The following DPP10 variants were observed in gnomAD, a reference collection of about 807,000 sequenced individuals.
The protein encoded by DPP10 is dipeptidyl peptidase like 10.
DPP10 carries 33 observed loss-of-function variants against 120.9 expected under a neutral mutation model. That is an observed-to-expected ratio of 0.27 (90% CI 0.21 to 0.37). The LOEUF (loss-of-function observed/expected upper bound fraction) is 0.37. Among genes scored for constraint, DPP10 ranks in the 10% least tolerant of loss-of-function variants. The probability of loss-of-function intolerance (pLI) is 1.00; values close to 1 mark genes in which losing one functional copy is unlikely to be tolerated. For synonymous variants in DPP10, 337 were observed against 326.1 expected, an observed-to-expected ratio of 1.03 and a Z score of -0.36; for missense variants, 816 against 942.8, an observed-to-expected ratio of 0.87 and a Z score of 1.76.
intron 1 of DPP10, among the ~76,000 whole-genome samples, chr2:114,550,831 A>G (rs1687826077): frequency 6.6e-6 from 1 of 152,188 alleles, no homozygotes; most frequent in South Asian, 2.1e-4. Context: ...CTCACTTGCA[A>G]CTGAATCATG....
chr2:114,977,005 C>T (rs1238840405), intron 1 of DPP10, among the ~76,000 whole-genome samples: 1 of 152,064 alleles, frequency 6.6e-6, no homozygotes, highest in Non-Finnish European at 1.5e-5. Context: ...CCATCTATGC[C>T]AGCAGCTTGA....
At chr2:114,938,731 T>C (rs1171905750) in intron 1 of DPP10, among the ~76,000 whole-genome samples, 3 of 3,680 alleles carry the variant, frequency 8.2e-4, no homozygotes, top group African/African-American at 1.5e-3. Context: ...CTTTGTCCCT[T>C]TTTTTTTTTT....
chr2:115,457,290 A>G (rs2073640116), intron 3 of DPP10, among the ~76,000 whole-genome samples: 1 of 152,092 alleles, frequency 6.6e-6, no homozygotes, highest in African/African-American at 2.4e-5. Context: ...TAATGTTAGC[A>G]CTAACACTAT....
At chr2:115,335,165 C>T (rs2063046682) in intron 2 of DPP10, among the ~76,000 whole-genome samples, 1 of 151,790 alleles carries the variant, frequency 6.6e-6, no homozygotes. Context: ...TCATGAGACT[C>T]ATTCAGTACC....
chr2:114,671,726 A>G (rs763616380), intron 1 of DPP10, among the ~76,000 whole-genome samples: 9 of 152,002 alleles, frequency 5.9e-5, no homozygotes, highest in Admixed American at 6.6e-5. Context: ...AGTAAACATA[A>G]TATGTAAGGG....
At chr2:115,518,690 A>G (rs1331460300) in intron 4 of DPP10, among the ~76,000 whole-genome samples, 1 of 152,102 alleles carries the variant, frequency 6.6e-6, no homozygotes, top group Non-Finnish European at 1.5e-5. Flanking sequence ...TATACTCTGT[A>G]AAATGTGCCT....
intron 1 of DPP10, among the ~76,000 whole-genome samples, chr2:114,614,669 G>A (rs943132024): frequency 6.6e-5 from 10 of 152,068 alleles, no homozygotes; most frequent in Admixed American, 4.6e-4. Flanking sequence ...GTTTGCTTAC[G>A]CAATTTCGGG....
intron 2 of DPP10, chr2:115,342,269 C>T (rs751250591): frequency 3.3e-5 from 12 of 368,216 alleles, no homozygotes; most frequent in South Asian, 1.4e-4. Flanking sequence ...TGCAGTGGTG[C>T]GATCTCAGCT....
chr2:115,216,271 C>T (rs1205520118), intron 1 of DPP10, among the ~76,000 whole-genome samples: 2 of 151,908 alleles, frequency 1.3e-5, no homozygotes, highest in Non-Finnish European at 2.9e-5. Flanking sequence ...AACCCGGTAA[C>T]AAAACTGCGC....
At chr2:115,325,486 C>T (rs1346993289) in intron 2 of DPP10, among the ~76,000 whole-genome samples, 1 of 151,994 alleles carries the variant, frequency 6.6e-6, no homozygotes, top group Admixed American at 6.6e-5. Flanking sequence ...AAAACATAAA[C>T]TTGTAAAATA....
intron 1 of DPP10, among the ~76,000 whole-genome samples, chr2:115,221,314 C>T (rs1335358368): frequency 1.3e-5 from 2 of 152,120 alleles, no homozygotes; most frequent in Non-Finnish European, 2.9e-5. Flanking sequence ...CCACCTGGCT[C>T]ACTTCACTCA....
intron 7 of DPP10, among the ~76,000 whole-genome samples, chr2:115,709,384 A>G (rs936791523): frequency 6.6e-6 from 1 of 152,096 alleles, no homozygotes; most frequent in Non-Finnish European, 1.5e-5. Flanking sequence ...CTTCAACTAT[A>G]AATGACAGAA....
chr2:114,990,570 A>G (rs952098273), intron 1 of DPP10, among the ~76,000 whole-genome samples: 3 of 151,990 alleles, frequency 2.0e-5, no homozygotes, highest in Non-Finnish European at 4.4e-5. Context: ...ATTATTCTAC[A>G]TTTAATTATT....
chr2:115,636,451 A>AT (rs1249860482), intron 5 of DPP10, among the ~76,000 whole-genome samples: 3 of 152,120 alleles, frequency 2.0e-5, no homozygotes, highest in Non-Finnish European at 4.4e-5. Context: ...AGGTGTGGTA[A>AT]TGGTGTTGTG....
At chr2:114,842,144 TG>T (rs1320793602) in intron 1 of DPP10, among the ~76,000 whole-genome samples, 1 of 152,028 alleles carries the variant, frequency 6.6e-6, no homozygotes, top group African/African-American at 2.4e-5. Context: ...TTGAAGGTAA[TG>T]GGGGCTGAGT....
chr2:115,750,275 G>A (rs72828567), intron 10 of DPP10: 74,378 of 890,576 alleles, frequency 0.084, 3,328 homozygotes, highest in South Asian at 0.098. Context: ...TGAATCACAG[G>A]GAGATGTACA....
intron 3 of DPP10, among the ~76,000 whole-genome samples, chr2:115,387,939 T>C (rs2067061363): frequency 6.6e-6 from 1 of 152,186 alleles, no homozygotes; most frequent in Non-Finnish European, 1.5e-5. Context: ...ATGGTAAATG[T>C]GCACTGGGAG....
At chr2:115,180,890 C>A (rs774616376) in intron 1 of DPP10, among the ~76,000 whole-genome samples, 2 of 141,782 alleles carry the variant, frequency 1.4e-5, no homozygotes, top group Non-Finnish European at 3.0e-5. Context: ...TATAATGATG[C>A]TCTCTCCCTC....
chr2:115,827,570 GTTATTT>G (rs1201547638), intron 21 of DPP10, among the ~76,000 whole-genome samples: 2 of 150,352 alleles, frequency 1.3e-5, no homozygotes, highest in Non-Finnish European at 3.0e-5. Context: ...TTAAAAGTCA[GTTATTT>G]TTATTTTTAT....
Sources: allele counts gnomAD v4.1 joint callset (sites outside exome capture counted in the v4.1 genomes callset), GRCh38; gene constraint gnomAD v4.1.1; transcripts MANE v1.5; gene names NCBI Gene and HGNC (gene_info 2026-07-23, HGNC 2026-07-21).